SH3RF1: variants seen among roughly 807,000 people sequenced by gnomAD.
SH3RF1 encodes SH3 domain containing ring finger 1.
In SH3RF1, 32 loss-of-function variants were observed where a neutral mutation model predicts 74.0. The ratio of observed to expected loss-of-function variants is 0.43; its 90% CI spans 0.33 to 0.58. The LOEUF is 0.58. Among genes scored for constraint, SH3RF1 ranks in the 20% least tolerant of loss-of-function variants. The pLI, the probability that SH3RF1 is intolerant of heterozygous loss-of-function variation, is 0.05. For synonymous variants in SH3RF1, 396 were observed against 439.6 expected, an observed-to-expected ratio of 0.90 and a Z score of 1.24; for missense variants, 954 against 1,130.9, an observed-to-expected ratio of 0.84 and a Z score of 2.24.
intron 2 of SH3RF1, among the ~76,000 whole-genome samples, chr4:169,254,456 T>C (rs949652600): frequency 6.6e-6 from 1 of 152,184 alleles, no homozygotes; most frequent in Non-Finnish European, 1.5e-5. Context: ...TGATCACAAA[T>C]ATGTATTAAA....
At chr4:169,168,481 G>A (rs952955688) in intron 2 of SH3RF1, among the ~76,000 whole-genome samples, 2 of 152,188 alleles carry the variant, frequency 1.3e-5, no homozygotes, top group Non-Finnish European at 2.9e-5. Context: ...AAAAGCTGTA[G>A]AAACTGAGAT....
At chr4:169,197,624 C>CAAAAAAAAAA (rs530886905) in intron 2 of SH3RF1, among the ~76,000 whole-genome samples, 1 of 114,116 alleles carries the variant, frequency 8.8e-6, no homozygotes, top group Non-Finnish European at 1.7e-5. Flanking sequence ...GACTCTGTCT[C>CAAAAAAAAAA]AAAAAAAAAA....
At chr4:169,097,071 G>A (rs557372020) in intron 11 of SH3RF1, among the ~76,000 whole-genome samples, 5 of 152,306 alleles carry the variant, frequency 3.3e-5, no homozygotes, top group African/African-American at 1.2e-4. Flanking sequence ...TTTGATTGGT[G>A]AGACTGGGAG....
intron 4 of SH3RF1, among the ~76,000 whole-genome samples, chr4:169,144,055 C>T (rs1368286537): frequency 1.3e-5 from 2 of 152,078 alleles, no homozygotes; most frequent in Non-Finnish European, 2.9e-5. Flanking sequence ...CTTGGGTGGA[C>T]CACATAAATT....
At chr4:169,176,868 CT>C in intron 2 of SH3RF1, among the ~76,000 whole-genome samples, 1 of 152,298 alleles carries the variant, frequency 6.6e-6, no homozygotes, top group East Asian at 1.9e-4. Context: ...ATTAAAACCA[CT>C]TGTGCTGGGC....
chr4:169,251,276 T>C (rs1561064924), intron 2 of SH3RF1, among the ~76,000 whole-genome samples: 1 of 152,212 alleles, frequency 6.6e-6, no homozygotes, highest in Non-Finnish European at 1.5e-5. Context: ...AAACTACTTT[T>C]TAAATTTCAT....
intron 2 of SH3RF1, among the ~76,000 whole-genome samples, chr4:169,213,818 T>C (rs1730416745): frequency 1.3e-5 from 2 of 152,256 alleles, no homozygotes; most frequent in South Asian, 4.1e-4. Context: ...AAAAGGTCAC[T>C]TGACTATATT....
chr4:169,216,464 G>C (rs1730465699), intron 2 of SH3RF1, among the ~76,000 whole-genome samples: 2 of 151,986 alleles, frequency 1.3e-5, no homozygotes, highest in Admixed American at 6.5e-5. Flanking sequence ...AACTGTTCTT[G>C]CTCCTTTTAT....
chr4:169,265,524 A>AGT (rs1731338395), intron 2 of SH3RF1, among the ~76,000 whole-genome samples: 1 of 152,152 alleles, frequency 6.6e-6, no homozygotes, highest in Non-Finnish European at 1.5e-5. Flanking sequence ...GCCAGACTGG[A>AGT]GTGCAAGGGT....
intron 2 of SH3RF1, among the ~76,000 whole-genome samples, chr4:169,245,446 T>C (rs1458325620): frequency 6.6e-6 from 1 of 152,190 alleles, no homozygotes; most frequent in African/African-American, 2.4e-5. Flanking sequence ...TCTAAATTTA[T>C]CTATATAGTC....
chr4:169,101,923 C>T (rs546244167), intron 11 of SH3RF1, among the ~76,000 whole-genome samples: 1 of 152,282 alleles, frequency 6.6e-6, no homozygotes, highest in South Asian at 2.1e-4. Context: ...CCACAGACTT[C>T]CAATGCTATG....
At chr4:169,174,773 A>T (rs1169858231) in intron 2 of SH3RF1, among the ~76,000 whole-genome samples, 1 of 152,060 alleles carries the variant, frequency 6.6e-6, no homozygotes, top group Non-Finnish European at 1.5e-5. Context: ...CCAATTAAAT[A>T]AAAATCTCTG....
At chr4:169,145,315 A>C (rs1445267953) in intron 4 of SH3RF1, among the ~76,000 whole-genome samples, 1 of 152,152 alleles carries the variant, frequency 6.6e-6, no homozygotes, top group African/African-American at 2.4e-5. Flanking sequence ...CATTATCCTA[A>C]GTGAAATCAC....
intron 2 of SH3RF1, among the ~76,000 whole-genome samples, chr4:169,218,709 C>T (rs144260194): frequency 4.0e-5 from 6 of 151,896 alleles, no homozygotes; most frequent in Non-Finnish European, 7.4e-5. Flanking sequence ...AGCAGCATTA[C>T]TGCCTTTTTA....
intron 5 of SH3RF1, among the ~76,000 whole-genome samples, 194 bp downstream of exon 5, chr4:169,136,124 T>C (rs1337821585): frequency 6.6e-6 from 1 of 152,234 alleles, no homozygotes; most frequent in African/African-American, 2.4e-5. Flanking sequence ...TAGTTCTGGG[T>C]TGATACACTC....
chr4:169,117,649 T>C lies in SH3RF1; in HGVS notation c.1651A>G (p.Ser551Gly). 1 of 1,614,152 alleles carries C rather than the reference T, an allele frequency of 6.2e-7. No homozygotes were observed. Among genetic ancestry groups the C allele is most frequent in the South Asian group, 1.1e-5 (1 of 91,080 alleles). ...QKLQGNGVAG[S>G]PSVVPAAVVS... is the part of the protein sequence containing the mutation. Reference sequence around the variant, plus strand: ...ACAGCTGCGGGGACAACACTGGGACTCCCAGCCACGCCATTTCCCTGGAGC... The same window carrying C: ...ACAGCTGCGGGGACAACACTGGGACCCCCAGCCACGCCATTTCCCTGGAGC... Residue 551 changes from serine (S) to glycine (G), a missense_variant, in exon 9 of 12, where the codon AGT becomes GGT. Ser to Gly is a moderately conservative substitution (Grantham distance 56). This residue lies in a region of SH3RF1 where 854 missense variants were observed against 962.5 expected (regional missense o/e 0.89). Transcript: ENST00000284637.
chr4:169,257,295 G>A (rs1387600113), intron 2 of SH3RF1, among the ~76,000 whole-genome samples: 4 of 152,162 alleles, frequency 2.6e-5, no homozygotes, highest in Admixed American at 2.0e-4. Flanking sequence ...GTACTCTCTG[G>A]CATCTCCCCT....
intron 2 of SH3RF1, among the ~76,000 whole-genome samples, chr4:169,238,443 T>C (rs756550540): frequency 1.3e-5 from 2 of 152,216 alleles, no homozygotes; most frequent in African/African-American, 2.4e-5. Flanking sequence ...ACCATTACCA[T>C]GAATCTACAG....
At position 169,120,519 on chromosome 4, in the gene SH3RF1, C is replaced by T. The variant is rs143724767; in HGVS notation, c.1517+300G>A. ...AGCTTTTCTTTGTATCAACACTATG[C>T]CTTTTCTAGTAGAAAAATACTGAAA... On this transcript the variant is annotated intron_variant, in intron 8 of 11. Transcript: ENST00000284637. 1.3e-3 allele frequency among the ~76,000 whole-genome samples: 204 copies of T among 152,310 alleles called. 2 individuals are homozygous for T. In the South Asian group the frequency reaches 0.026, roughly 19 times the overall value.
Sources: gnomAD v4.1 joint callset for allele counts (sites outside exome capture counted in the v4.1 genomes callset) on GRCh38, gnomAD v4.1.1 for gene constraint, gnomAD v4.1.1 regional missense constraint, MANE v1.5 for transcripts, NCBI Gene and HGNC (gene_info 2026-07-23, HGNC 2026-07-21) for gene names.